CATIP: variants seen among roughly 807,000 people sequenced by gnomAD.
The protein encoded by CATIP is ciliogenesis-associated TTC17-interacting protein.
Under a neutral mutation model 42.5 loss-of-function variants are expected in CATIP, and 40 were observed. That is an observed-to-expected ratio of 0.94 (90% confidence interval 0.73 to 1.22). The LOEUF is 1.22. Ranked by LOEUF, CATIP falls within the 50% of genes most tolerant of loss-of-function variation. The pLI is 0.00. For missense variants in CATIP, 489 were observed against 496.0 expected (o/e 0.99, Z 0.13); for synonymous variants, 222 against 200.2 (o/e 1.11, Z -0.92).
At chr2:218,360,767 G>C (rs559164612) in intron 5 of CATIP, 108 bp downstream of exon 5, 14 of 782,920 alleles carry the variant, frequency 1.8e-5, no homozygotes, top group Non-Finnish European at 2.1e-6. Context: ...TTAAGGACGC[G>C]CACATGACAC....
chr2:218,361,429 AG>A (rs1695231672), intron 5 of CATIP, among the ~76,000 whole-genome samples: 1 of 152,062 alleles, frequency 6.6e-6, no homozygotes, highest in Non-Finnish European at 1.5e-5. Flanking sequence ...AACTCGAGGC[AG>A]GGAGGGGGCT....
chr2:218,365,144 G>A (rs1695385187), intron 7 of CATIP, among the ~76,000 whole-genome samples: 1 of 152,200 alleles, frequency 6.6e-6, no homozygotes, highest in Non-Finnish European at 1.5e-5. Context: ...GCTGGGCGTG[G>A]TGGCTCACAC....
chr2:218,359,246 A>G lies in CATIP; in HGVS notation c.375+1154A>G, dbSNP rs544378973. ...AATCCCAGCTACACGGGAGGCTGAG[A>G]CAGGAGAATTGCTTGAACCCAGGAG... On this transcript the variant is annotated intron_variant, in intron 4 of 9. Transcript: ENST00000289388. 3.3e-5 allele frequency among the ~76,000 whole-genome samples: 5 copies of G among 151,070 alleles called. No homozygotes were observed. In the East Asian group the frequency reaches 7.8e-4, roughly 24 times the overall value.
In CATIP at chr2:218,357,701, T is replaced by C. The variant is rs142253999; in HGVS notation, c.286T>C (p.Leu96=). 1.9e-4 allele frequency: 304 copies of C among 1,613,922 alleles called. No individual in the cohort carries two copies. Among genetic ancestry groups the C allele is most frequent in the Non-Finnish European group, 2.5e-4 (294 of 1,180,030 alleles). ...CGTGCATGCCTCTAGCCGAGGCTTC[T>C]TGGACAAAATGCTCTGCGGAAATTC... ...LFVHASSRGF[L]DKMLCGNSLL... The change falls in exon 3 of 10, where the codon TTG becomes CTG. Residue 96 remains leucine, a synonymous_variant. Coordinates refer to ENST00000289388, the MANE Select transcript of CATIP (RefSeq NM_198559.2).
At position 218,357,718 on chromosome 2, in the gene CATIP, C is replaced by T. The variant is rs150544491; in HGVS notation, c.303C>T (p.Cys101=). 1.5e-5 allele frequency: 24 copies of T among 1,613,376 alleles called. No individual in the cohort carries two copies. In the African/African-American group the frequency reaches 2.5e-4, roughly 17 times the overall value. ...GAGGCTTCTTGGACAAAATGCTCTG[C>T]GGAAATTCCCTCCTGGGTAGCGTTC... ...SSRGFLDKML[C]GNSLLGYLSE... The change falls in exon 3 of 10, where the codon TGC becomes TGT. Residue 101 remains cysteine (C), a synonymous_variant. Coordinates refer to ENST00000289388, the MANE Select transcript of CATIP (RefSeq NM_198559.2).
intron 6 of CATIP, among the ~76,000 whole-genome samples, chr2:218,364,360 A>C (rs1383548988): frequency 1.3e-5 from 2 of 150,236 alleles, no homozygotes; most frequent in African/African-American, 2.5e-5. Context: ...CCGCTCCCAC[A>C]CCCCCCCGCA....
rs140677940 is a variant in CATIP, at chr2:218,359,341, C to CAAAAAAAAAAA, written c.376-1219_376-1209dup. On this transcript the variant is annotated intron_variant, in intron 4 of 9. Coordinates refer to ENST00000289388, the MANE Select transcript of CATIP (RefSeq NM_198559.2). ...TGGGCAACAGAGCGAGACTCTGTCT[C>CAAAAAAAAAAA]AAAAAAAAAAAAAAAAAAAAAAATG... Among the ~76,000 whole-genome samples the CAAAAAAAAAAA allele has an allele frequency of 8.4e-4, 67 of 79,692 alleles. 2 individuals carry two copies. The highest frequency in any genetic ancestry group is 3.1e-3 in the African/African-American group (61 of 19,406). 52.3% of individuals were successfully genotyped at this position (79,692 alleles called of 152,430 possible).
At chr2:218,359,341 CAA>C (rs140677940) in intron 4 of CATIP, among the ~76,000 whole-genome samples, 1,032 of 79,660 alleles carry the variant, frequency 0.013, 11 homozygotes, top group African/African-American at 0.042. Context: ...GACTCTGTCT[CAA>C]AAAAAAAAAA....
In CATIP at chr2:218,359,364, AT is replaced by A. The variant is rs1169518648; in HGVS notation, c.376-1208del. 1.0e-3 allele frequency among the ~76,000 whole-genome samples: 146 copies of A among 144,726 alleles called. 1 individual carries two copies. The East Asian group carries it at 0.025, about 25-fold the overall frequency. The allele number at this position is 144,726 out of a possible 152,430, so 94.9% of individuals were successfully genotyped here. A position where few individuals can be genotyped will look rare whatever the true frequency, so the allele number is the denominator to read the frequency against. On this transcript the variant is annotated intron_variant, in intron 4 of 9. Coordinates refer to ENST00000289388, the MANE Select transcript of CATIP (RefSeq NM_198559.2). Reference sequence around the variant, plus strand: ...CTCAAAAAAAAAAAAAAAAAAAAAAATGTTGGGGATGGTTTCTGGTTTCTGT... The same window carrying A: ...CTCAAAAAAAAAAAAAAAAAAAAAAAGTTGGGGATGGTTTCTGGTTTCTGT...
chr2:218,363,044 AGG>A, intron 6 of CATIP, 142 bp downstream of exon 6: 1 of 741,686 alleles, frequency 1.3e-6, no homozygotes, highest in Non-Finnish European at 2.1e-6. Context: ...GGGGCTTTCA[AGG>A]GCAGGAAAGC....
intron 3 of CATIP, 113 bp downstream of exon 3, chr2:218,357,847 G>GT: frequency 8.2e-7 from 1 of 1,226,764 alleles, no homozygotes; most frequent in Non-Finnish European, 1.2e-6. Flanking sequence ...CTTGGACCAG[G>GT]ACAAGGCACG....
At position 218,367,920 on chromosome 2, in the gene CATIP, C is replaced by A. The variant is rs146925548; in HGVS notation, c.1120C>A (p.Arg374Ser). The change falls in exon 10 of 10, where the codon CGC becomes AGC. Residue 374 changes from arginine (R) to serine (S), a missense_variant. Physicochemically the swap from Arg to Ser is moderately radical, Grantham distance 110. Coordinates refer to ENST00000289388, the MANE Select transcript of CATIP (RefSeq NM_198559.2). The part of the protein sequence containing the change: ...LGSSHRPNPF[R>S]SLEPEGDARS... ...CTCCTCCCACCGGCCCAACCCTTTCCGCTCCCTGGAGCCGGAGGGAGACGC... is the reference window on the plus strand; with the variant it reads ...CTCCTCCCACCGGCCCAACCCTTTCAGCTCCCTGGAGCCGGAGGGAGACGC... 6.8e-6 allele frequency: 11 copies of A among 1,609,878 alleles called. No homozygotes were observed. Among genetic ancestry groups the A allele is most frequent in the Non-Finnish European group, 9.3e-6 (11 of 1,179,262 alleles).
At chr2:218,367,130 G>C in intron 8 of CATIP, 30 bp downstream of exon 8, 1 of 1,573,046 alleles carries the variant, frequency 6.4e-7, no homozygotes, top group Non-Finnish European at 8.7e-7. Flanking sequence ...TGTGCAGGCA[G>C]GGAGAGTTAA....
chr2:218,362,781 G>T lies in CATIP; in HGVS notation c.509G>T (p.Gly170Val). The change falls in exon 6 of 10, where the codon GGC (glycine) becomes GTC (valine). Residue 170 changes from glycine (G) to valine (V), a missense_variant. Physicochemically the swap from Gly to Val is moderately radical, Grantham distance 109. Transcript: ENST00000289388. ...VTSFPWSSIK[G>V]FISEAANLVL... ...TCTTTCCCCTGGAGCTCAATCAAGG[G>T]CTTCATCTCAGAGGCTGCCAACCTG... The T allele has an allele frequency of 6.2e-7, 1 of 1,614,164 alleles. No individual in the cohort carries two copies. The highest frequency in any genetic ancestry group is 8.5e-7 in the Non-Finnish European group (1 of 1,180,026).
chr2:218,361,863 C>A (rs1222338030), intron 5 of CATIP, among the ~76,000 whole-genome samples: 1 of 152,140 alleles, frequency 6.6e-6, no homozygotes, highest in Admixed American at 6.5e-5. Flanking sequence ...TTAGATGAAG[C>A]CAGGAGTCCA....
rs768018022 is a variant in CATIP, at chr2:218,367,442, C to A, written c.845C>A (p.Pro282Gln). ...PILREEDEIE[P>Q]RPVFEKKPLV... Reference sequence around the variant, plus strand: ...GTTCCCCACCTAGATGAGATTGAGCCACGCCCAGTGTTTGAGAAGAAGCCC... The same window carrying A: ...GTTCCCCACCTAGATGAGATTGAGCAACGCCCAGTGTTTGAGAAGAAGCCC... Residue 282 changes from proline (P) to glutamine (Q), a missense_variant, in exon 9 of 10, where the codon CCA (proline) becomes CAA (glutamine). Physicochemically the swap from Pro to Gln is moderately conservative, Grantham distance 76. Transcript: ENST00000289388. 1 of 1,614,146 alleles carries A rather than the reference C, an allele frequency of 6.2e-7. No homozygotes were observed. Among genetic ancestry groups the A allele is most frequent in the Non-Finnish European group, 8.5e-7 (1 of 1,179,998 alleles).
intron 7 of CATIP, chr2:218,365,577 C>T (rs147190985): frequency 3.3e-5 from 5 of 152,152 alleles, no homozygotes; most frequent in African/African-American, 1.2e-4. Flanking sequence ...GTAATCAAAA[C>T]ATTGTTGGCT....
In CATIP at chr2:218,362,017, A is replaced by C. The variant is rs61160995; in HGVS notation, c.463-718A>C. The stretch of plus-strand genomic sequence containing the variant: ...TAGCGAGACCCCGTTCTCCAGAAAA[A>C]GGAAAAAAAAAAAAGACAAGGATTC... On this transcript the variant is annotated intron_variant, in intron 5 of 9. Coordinates refer to ENST00000289388, the MANE Select transcript of CATIP (RefSeq NM_198559.2). 4.6e-3 allele frequency among the ~76,000 whole-genome samples: 435 copies of C among 94,604 alleles called. 3 individuals are homozygous for C. Among genetic ancestry groups the C allele is most frequent in the African/African-American group, 0.04 (425 of 10,622 alleles). The allele number at this position is 94,604 out of a possible 152,430, so 62.1% of individuals were successfully genotyped here.
At chr2:218,363,416 G>A (rs1559105046) in intron 6 of CATIP, among the ~76,000 whole-genome samples, 3 of 151,340 alleles carry the variant, frequency 2.0e-5, no homozygotes, top group Middle Eastern at 3.4e-3. Flanking sequence ...AACCCGGGAG[G>A]CAGAGCTTGC....
Sources: allele counts gnomAD v4.1 joint callset (sites outside exome capture counted in the v4.1 genomes callset), GRCh38; gene constraint gnomAD v4.1.1; transcripts MANE v1.5; gene names NCBI Gene and HGNC (gene_info 2026-07-23, HGNC 2026-07-21).